Variants in AAK1 observed in about 807,000 individuals in gnomAD.
AAK1 encodes AP2 associated kinase 1.
In AAK1, 37 loss-of-function variants were observed where a neutral mutation model predicts 116.0. The observed-to-expected ratio is 0.32, with a 90% CI of 0.25 to 0.42. AAK1 has a LOEUF of 0.42. Ranked by LOEUF, AAK1 falls within the 10% of genes least tolerant of loss-of-function variation. The pLI is 1.00. For synonymous variants in AAK1, 458 were observed against 439.9 expected, an observed-to-expected ratio of 1.04 and a Z score of -0.51; for missense variants, 919 against 1,170.6, an observed-to-expected ratio of 0.79 and a Z score of 3.14.
At chr2:69,543,325 T>G (rs1199314121) in intron 4 of AAK1, among the ~76,000 whole-genome samples, 1 of 152,154 alleles carries the variant, frequency 6.6e-6, no homozygotes, top group Non-Finnish European at 1.5e-5. Context: ...CTTTAGGAAA[T>G]CAGGTAAATA....
chr2:69,600,491 T>C (rs1335110374), intron 2 of AAK1, among the ~76,000 whole-genome samples: 1 of 152,040 alleles, frequency 6.6e-6, no homozygotes, highest in South Asian at 2.1e-4. Context: ...ACAGATGTGG[T>C]GAAAATAGCA....
At chr2:69,556,085 A>G (rs929288978) in intron 3 of AAK1, among the ~76,000 whole-genome samples, 1 of 152,320 alleles carries the variant, frequency 6.6e-6, no homozygotes, top group Non-Finnish European at 1.5e-5. Context: ...TTGAAAAATG[A>G]GTAAGTTTTA....
chr2:69,546,321 G>A (rs1474390718), intron 3 of AAK1, among the ~76,000 whole-genome samples: 5 of 152,166 alleles, frequency 3.3e-5, no homozygotes, highest in Admixed American at 3.3e-4. Context: ...TGATGAAGCT[G>A]ACACACAATC....
At chr2:69,623,846 C>T (rs1403695530) in intron 2 of AAK1, among the ~76,000 whole-genome samples, 1 of 151,584 alleles carries the variant, frequency 6.6e-6, no homozygotes. Context: ...GCAAAAAGCC[C>T]ACTATTAAGG....
At position 69,463,322 on chromosome 2, in the gene AAK1, G is replaced by A. The variant is rs752738252; in HGVS notation, c.*12547C>T. ...CTTTCCAGTGAGTTGAACTGCCTTA[G>A]CAGAAATCTTCCCATTGAGATACAG... On this transcript the variant is annotated 3_prime_UTR_variant, in exon 22 of 22. Coordinates refer to ENST00000409085, the MANE Select transcript of AAK1 (RefSeq NM_014911.5). The A allele has an allele frequency of 1.3e-5, 2 of 148,610 alleles. No homozygotes were observed. The highest frequency in any genetic ancestry group is 2.9e-5 in the Non-Finnish European group (2 of 68,008). 9.2% of individuals were successfully genotyped at this position (148,610 alleles called of 1,614,324 possible).
intron 2 of AAK1, among the ~76,000 whole-genome samples, chr2:69,570,973 G>A (rs1160069623): frequency 7.5e-6 from 1 of 133,406 alleles, no homozygotes; most frequent in Non-Finnish European, 1.7e-5. Context: ...ATCAAACCAG[G>A]ACTTCTCTGT....
chr2:69,525,330 AGAG>A (rs1338562836), intron 9 of AAK1, among the ~76,000 whole-genome samples: 3 of 152,216 alleles, frequency 2.0e-5, no homozygotes, highest in Non-Finnish European at 4.4e-5. Flanking sequence ...GTATCTGAGA[AGAG>A]GAGAGAGTAG....
chr2:69,549,957 C>A (rs143510296), intron 3 of AAK1, among the ~76,000 whole-genome samples: 1 of 152,156 alleles, frequency 6.6e-6, no homozygotes, highest in Non-Finnish European at 1.5e-5. Context: ...TTTCTTTAAA[C>A]GAGTTATTTG....
intron 7 of AAK1, among the ~76,000 whole-genome samples, chr2:69,530,397 T>C (rs1670203847): frequency 6.6e-6 from 1 of 152,204 alleles, no homozygotes; most frequent in African/African-American, 2.4e-5. Context: ...CAGTAACATA[T>C]ACATGAAAAA....
intron 13 of AAK1, among the ~76,000 whole-genome samples, chr2:69,514,118 C>T (rs906266568): frequency 1.3e-5 from 2 of 152,172 alleles, no homozygotes; most frequent in Non-Finnish European, 2.9e-5. Context: ...GATCAAACTG[C>T]CCCTTGAAGA....
chr2:69,474,943 TG>T lies in AAK1; in HGVS notation c.*925del, dbSNP rs1289760155. 2 of 985,328 alleles carry T rather than the reference TG, an allele frequency of 2.0e-6. No homozygotes were observed. The highest frequency in any genetic ancestry group is 3.5e-5 in the African/African-American group (2 of 57,220). The allele number at this position is 985,328 out of a possible 1,614,324, so 61.0% of individuals were successfully genotyped here. On this transcript the variant is annotated 3_prime_UTR_variant, in exon 22 of 22. Transcript: ENST00000409085. ...ATCACAAGAAAAATACATCTGTTTC[TG>T]CTACAATTCCTTCCCCTCCCCATCC...
chr2:69,559,298 A>ACACT (rs1265191761), intron 2 of AAK1, among the ~76,000 whole-genome samples: 15 of 78,378 alleles, frequency 1.9e-4, no homozygotes, highest in African/African-American at 4.1e-4. Context: ...ACACACACAC[A>ACACT]CTCTCTCTCT....
At chr2:69,507,651 T>A in intron 14 of AAK1, 73 bp from the exon 15 acceptor site, 1 of 1,346,750 alleles carries the variant, frequency 7.4e-7, no homozygotes, top group Non-Finnish European at 1.0e-6. Context: ...CAACTTATTT[T>A]CTCTGTTTCA....
In AAK1 at chr2:69,469,622, C is replaced by A. The variant is rs1053824096; in HGVS notation, c.*6247G>T. On this transcript the variant is annotated 3_prime_UTR_variant, in exon 22 of 22. Coordinates refer to ENST00000409085, the MANE Select transcript of AAK1 (RefSeq NM_014911.5). ...TGGCCATAGAGCTCAGTAAACACTG[C>A]CTGTTGTACCTCAGGGGCTAAAGCC... 7.9e-5 allele frequency: 78 copies of A among 985,324 alleles called. No homozygotes were observed. In the African/African-American group the frequency reaches 1.3e-3, roughly 16 times the overall value. 61.0% of individuals were successfully genotyped at this position (985,324 alleles called of 1,614,324 possible).
At chr2:69,527,136 A>T (rs1447647129) in intron 9 of AAK1, 80 bp downstream of exon 9, 5 of 1,019,020 alleles carry the variant, frequency 4.9e-6, no homozygotes, top group Non-Finnish European at 7.5e-6. Context: ...AAATTCATTT[A>T]AACAGCTGAT....
intron 20 of AAK1, 190 bp downstream of exon 20, chr2:69,478,761 T>TA: frequency 1.9e-6 from 1 of 514,188 alleles, no homozygotes. Context: ...GCCGGTCGTC[T>TA]AAGTCTTAGT....
chr2:69,520,092 A>T (rs909644624), intron 11 of AAK1: 10 of 230,276 alleles, frequency 4.3e-5, no homozygotes, highest in Non-Finnish European at 7.3e-5. Flanking sequence ...CTACCCAATC[A>T]TCTCCCCTAG....
At chr2:69,591,523 C>CTT (rs557305954) in intron 2 of AAK1, among the ~76,000 whole-genome samples, 138 of 129,966 alleles carry the variant, frequency 1.1e-3, no homozygotes, top group East Asian at 9.9e-3. Flanking sequence ...TTTTCTTTTT[C>CTT]TTTTTTTTTT....
chr2:69,531,219 G>GA (rs957443372), intron 6 of AAK1, among the ~76,000 whole-genome samples: 4 of 152,074 alleles, frequency 2.6e-5, no homozygotes, highest in Non-Finnish European at 5.9e-5. Flanking sequence ...TCTTGCTCCA[G>GA]AAAAAAGTAG....
Sources: gnomAD v4.1 joint callset for allele counts (sites outside exome capture counted in the v4.1 genomes callset) on GRCh38, gnomAD v4.1.1 for gene constraint, MANE v1.5 for transcripts, NCBI Gene and HGNC (gene_info 2026-07-23, HGNC 2026-07-21) for gene names.